MTAP: variants seen among roughly 807,000 people sequenced by gnomAD.
MTAP encodes S-methyl-5'-thioadenosine phosphorylase.
A neutral mutation model predicts 33.6 loss-of-function variants in MTAP; 33 were observed. The ratio of observed to expected loss-of-function variants is 0.98; its 90% confidence interval spans 0.74 to 1.31. The LOEUF (loss-of-function observed/expected upper bound fraction) is 1.31. MTAP is among the 40% of genes most tolerant of loss of function. The pLI is 0.00. For synonymous variants in MTAP, 148 were observed against 125.7 expected, an observed-to-expected ratio of 1.18 and a Z score of -1.19; for missense variants, 367 against 360.0, an observed-to-expected ratio of 1.02 and a Z score of -0.16.
intron 1 of MTAP, among the ~76,000 whole-genome samples, chr9:21,900,391 G>T (rs1221189454): frequency 6.6e-6 from 1 of 152,132 alleles, no homozygotes; most frequent in Non-Finnish European, 1.5e-5. Flanking sequence ...AGATGTACAT[G>T]CAGCCAACAA....
rs137934452 is a variant in MTAP at position 21,854,510 on chromosome 9, G to A, written c.451-121G>A. 174 of 1,326,788 alleles carry A rather than the reference G, an allele frequency of 1.3e-4. 1 individual carries two copies. In the East Asian group the frequency reaches 4.1e-3, roughly 31 times the overall value. The allele number at this position is 1,326,788 out of a possible 1,614,324, so 82.2% of individuals were successfully genotyped here. On this transcript the variant is annotated intron_variant, in intron 5 of 7. Coordinates refer to ENST00000644715, the MANE Select transcript of MTAP (RefSeq NM_002451.4). ...TTTTCTGAGAGCCTGGCAGATAGTA[G>A]GCATTTATTATAGTGACAAATCATC...
chr9:21,810,176 G>C (rs370048033), intron 1 of MTAP, among the ~76,000 whole-genome samples: 15 of 152,160 alleles, frequency 9.9e-5, no homozygotes, highest in Non-Finnish European at 2.1e-4. Context: ...AGAAGTCCAA[G>C]ATCAAGGTGA....
intron 1 of MTAP, among the ~76,000 whole-genome samples, chr9:21,927,689 A>G (rs1818891346): frequency 6.6e-6 from 1 of 152,232 alleles, no homozygotes; most frequent in African/African-American, 2.4e-5. Context: ...ACCCAGTTAC[A>G]GAGGTGGTAG....
chr9:21,926,639 C>A (rs569229061), intron 1 of MTAP, among the ~76,000 whole-genome samples: 2 of 152,258 alleles, frequency 1.3e-5, no homozygotes, highest in East Asian at 3.9e-4. Flanking sequence ...TTTGTTTGGG[C>A]AAGTCTTGGC....
chr9:21,855,206 G>GA (rs997241760), intron 6 of MTAP, among the ~76,000 whole-genome samples: 1 of 152,028 alleles, frequency 6.6e-6, no homozygotes, highest in Non-Finnish European at 1.5e-5. Context: ...TTTCAAGAAG[G>GA]AAAAAAATCT....
At chr9:21,929,596 A>G in intron 1 of MTAP, 1 of 344,978 alleles carries the variant, frequency 2.9e-6, no homozygotes. Flanking sequence ...GTTATGTACT[A>G]GCTCTTCCTC....
chr9:21,900,025 C>A (rs1180862766), intron 1 of MTAP, among the ~76,000 whole-genome samples: 1 of 152,094 alleles, frequency 6.6e-6, no homozygotes, highest in Non-Finnish European at 1.5e-5. Flanking sequence ...ATACAAAAAT[C>A]AACTCAGGAT....
At chr9:21,893,516 C>G (rs1230229591) in intron 1 of MTAP, 3 of 151,414 alleles carry the variant, frequency 2.0e-5, no homozygotes, top group Non-Finnish European at 2.9e-5. Flanking sequence ...GCTAGACTTA[C>G]AAAAAAAGAG....
chr9:21,860,702 C>T (rs1191845469), intron 7 of MTAP: 2 of 152,170 alleles, frequency 1.3e-5, no homozygotes, highest in African/African-American at 2.4e-5. Context: ...GTGACTCCTA[C>T]TTGTACTATT....
chr9:21,861,739 G>A, intron 7 of MTAP: 1 of 554,494 alleles, frequency 1.8e-6, no homozygotes, highest in Non-Finnish European at 3.2e-6. Context: ...AATGCTCTGA[G>A]ATAAGCATTA....
chr9:21,818,297 C>A, intron 4 of MTAP, 95 bp downstream of exon 4: 1 of 613,872 alleles, frequency 1.6e-6, no homozygotes, highest in Non-Finnish European at 2.7e-6. Context: ...ACTGGGAGGG[C>A]AGTGCCACAG....
chr9:21,810,308 A>T (rs551742271), intron 1 of MTAP, among the ~76,000 whole-genome samples: 1 of 152,178 alleles, frequency 6.6e-6, no homozygotes, highest in Non-Finnish European at 1.5e-5. Context: ...TAAGGACAAC[A>T]GTTTTCTTAG....
At chr9:21,907,751 T>A (rs1818498770) in intron 1 of MTAP, among the ~76,000 whole-genome samples, 1 of 152,100 alleles carries the variant, frequency 6.6e-6, no homozygotes, top group Non-Finnish European at 1.5e-5. Context: ...AGAAAAAATT[T>A]TAAATTTCCT....
chr9:21,807,995 A>G (rs10217379), intron 1 of MTAP, among the ~76,000 whole-genome samples: 36,008 of 152,152 alleles, frequency 0.24, 7,014 homozygotes, highest in African/African-American at 0.54. Context: ...CCTCAAAAGC[A>G]TCTAAAGCAG....
chr9:21,882,394 C>G (rs1818030264), intron 1 of MTAP, among the ~76,000 whole-genome samples: 1 of 151,880 alleles, frequency 6.6e-6, no homozygotes, highest in Admixed American at 6.6e-5. Context: ...ACATTGTTCA[C>G]ATAAAGAATA....
At chr9:21,861,921 C>T in intron 7 of MTAP, 55 bp from the exon 8 acceptor site, 2 of 941,158 alleles carry the variant, frequency 2.1e-6, no homozygotes, top group Non-Finnish European at 3.4e-6. Flanking sequence ...TTTTAACAAA[C>T]ATCTCAGTAA....
At chr9:21,851,380 A>G (rs796264887) in intron 5 of MTAP, among the ~76,000 whole-genome samples, 4 of 152,332 alleles carry the variant, frequency 2.6e-5, no homozygotes, top group African/African-American at 7.2e-5. Context: ...CAGTTGTACT[A>G]AGAAAATATC....
intron 4 of MTAP, 84 bp downstream of exon 4, chr9:21,818,286 A>AACT (rs1824535244): frequency 1.9e-6 from 2 of 1,027,780 alleles, no homozygotes; most frequent in African/African-American, 1.7e-5. Context: ...CCGGCAGGGC[A>AACT]ACTGGGAGGG....
chr9:21,826,647 T>C (rs1045339383), intron 4 of MTAP, among the ~76,000 whole-genome samples: 2 of 139,668 alleles, frequency 1.4e-5, no homozygotes, highest in Non-Finnish European at 3.1e-5. Context: ...TTATTATTAT[T>C]ATTTAACTGC....
Sources: allele counts gnomAD v4.1 joint callset (sites outside exome capture counted in the v4.1 genomes callset), GRCh38; gene constraint gnomAD v4.1.1; transcripts MANE v1.5; gene names NCBI Gene and HGNC (gene_info 2026-07-23, HGNC 2026-07-21).